The following HERC3 variants were observed in gnomAD, a reference collection of about 807,000 sequenced individuals.
HERC3 encodes probable E3 ubiquitin-protein ligase HERC3.
In HERC3, 58 loss-of-function variants were observed where a neutral mutation model predicts 129.9. The observed-to-expected ratio is 0.45, with a 90% CI of 0.36 to 0.56. The LOEUF (loss-of-function observed/expected upper bound fraction) is 0.56. HERC3 is among the 20% of genes least tolerant of loss of function. HERC3 has a pLI of 0.00. For missense variants in HERC3, 835 were observed against 1,244.2 expected (o/e 0.67, Z 4.95); for synonymous variants, 430 against 451.0 (o/e 0.95, Z 0.59).
intron 3 of HERC3, among the ~76,000 whole-genome samples, chr4:88,637,000 G>A (rs561355542): frequency 1.3e-5 from 2 of 152,250 alleles, no homozygotes; most frequent in East Asian, 3.9e-4. Context: ...GTGGCAGTGT[G>A]CGCCTGTAGT....
chr4:88,572,309 T>G, the HERC3 span, among the ~76,000 whole-genome samples: 3 of 152,004 alleles, frequency 2.0e-5, no homozygotes, highest in East Asian at 5.8e-4. Flanking sequence ...CCACCTGTAG[T>G]CCCAGCTACT....
chr4:88,609,410 A>G (rs993684547), intron 3 of HERC3, among the ~76,000 whole-genome samples: 1 of 152,252 alleles, frequency 6.6e-6, no homozygotes, highest in Non-Finnish European at 1.5e-5. Context: ...GCAGTTTTAT[A>G]TCATGCCTCA....
intron 23 of HERC3, chr4:88,697,212 C>G (rs776088833): frequency 3.8e-5 from 58 of 1,516,970 alleles, no homozygotes. Flanking sequence ...CCCCTTACTT[C>G]TTGGCGTCAT....
At chr4:88,620,447 C>T (rs1177005374) in intron 3 of HERC3, among the ~76,000 whole-genome samples, 1 of 152,132 alleles carries the variant, frequency 6.6e-6, no homozygotes, top group Non-Finnish European at 1.5e-5. Flanking sequence ...TGGAGTCATC[C>T]CTGATTTGTC....
chr4:88,631,001 T>C (rs1726683836), intron 3 of HERC3, among the ~76,000 whole-genome samples: 1 of 152,216 alleles, frequency 6.6e-6, no homozygotes, highest in African/African-American at 2.4e-5. Context: ...ATTGACTTCG[T>C]CAGTATATCT....
At chr4:88,585,802 G>C in the HERC3 span, among the ~76,000 whole-genome samples, 2 of 151,966 alleles carry the variant, frequency 1.3e-5, no homozygotes, top group African/African-American at 2.4e-5. Context: ...CTAATGTTTA[G>C]ATGTGTACAC....
chr4:88,674,866 G>A (rs1731994809), intron 16 of HERC3, among the ~76,000 whole-genome samples: 1 of 151,978 alleles, frequency 6.6e-6, no homozygotes, highest in South Asian at 2.1e-4. Context: ...GATCCCTGGA[G>A]GAACCTAGTT....
intron 23 of HERC3, among the ~76,000 whole-genome samples, chr4:88,698,149 A>T (rs1488068223): frequency 6.6e-6 from 1 of 151,832 alleles, no homozygotes; most frequent in Non-Finnish European, 1.5e-5. Flanking sequence ...CCTCACCCCC[A>T]TCCAGGCCCT....
chr4:88,693,231 C>G, intron 23 of HERC3: 7 of 978,194 alleles, frequency 7.2e-6, no homozygotes, highest in Non-Finnish European at 8.5e-6. Flanking sequence ...AAGACTATAT[C>G]AAGTATCTTT....
At chr4:88,665,580 T>C (rs1730961920) in intron 12 of HERC3, among the ~76,000 whole-genome samples, 1 of 152,200 alleles carries the variant, frequency 6.6e-6, no homozygotes, top group Non-Finnish European at 1.5e-5. Flanking sequence ...CTAATTCAAA[T>C]GCCAATCTCT....
At chr4:88,596,793 C>G (rs759983591) in intron 2 of HERC3, among the ~76,000 whole-genome samples, 9 of 152,254 alleles carry the variant, frequency 5.9e-5, no homozygotes, top group Non-Finnish European at 1.2e-4. Flanking sequence ...ATTGTTCCCT[C>G]TATTCCTACT....
intron 3 of HERC3, among the ~76,000 whole-genome samples, chr4:88,622,829 T>C (rs1322749235): frequency 6.6e-6 from 1 of 152,066 alleles, no homozygotes; most frequent in African/African-American, 2.4e-5. Flanking sequence ...CTCGGGAGGC[T>C]GAGGCAGGAG....
the HERC3 span, among the ~76,000 whole-genome samples, chr4:88,573,456 C>G: frequency 6.6e-6 from 1 of 152,136 alleles, no homozygotes; most frequent in Non-Finnish European, 1.5e-5. Flanking sequence ...CACTAGGGAC[C>G]CATGAAGCAT....
chr4:88,665,391 T>C (rs1730942891), intron 12 of HERC3, among the ~76,000 whole-genome samples: 1 of 152,134 alleles, frequency 6.6e-6, no homozygotes, highest in African/African-American at 2.4e-5. Context: ...GGTGTAAGTA[T>C]TGGAGTGCAA....
intron 22 of HERC3, 109 bp downstream of exon 22, chr4:88,686,911 C>A (rs1285245515): frequency 2.4e-6 from 2 of 849,416 alleles, no homozygotes; most frequent in Non-Finnish European, 3.9e-6. Context: ...TCAGAGACTT[C>A]TTTGAATCAA....
intron 19 of HERC3, among the ~76,000 whole-genome samples, chr4:88,679,779 A>G (rs1459195729): frequency 1.3e-5 from 2 of 152,098 alleles, no homozygotes; most frequent in Non-Finnish European, 2.9e-5. Context: ...CGGCCTCCCA[A>G]AGTGCTAGGA....
At chr4:88,672,970 A>G (rs979239572) in intron 16 of HERC3, among the ~76,000 whole-genome samples, 2 of 152,192 alleles carry the variant, frequency 1.3e-5, no homozygotes, top group African/African-American at 4.8e-5. Context: ...GGGATCTAAC[A>G]CATGTGTGCA....
the HERC3 span, among the ~76,000 whole-genome samples, chr4:88,575,460 C>A: frequency 1.3e-3 from 192 of 152,288 alleles, no homozygotes; most frequent in Middle Eastern, 3.4e-3. Context: ...GCTCCCCCAT[C>A]TAAAATAGAA....
At chr4:88,544,681 A>G in the HERC3 span, among the ~76,000 whole-genome samples, 14 of 152,230 alleles carry the variant, frequency 9.2e-5, no homozygotes, top group African/African-American at 3.1e-4. Context: ...ATTGTCCATC[A>G]ATGATAGACT....
Sources: gnomAD v4.1 joint callset for allele counts (sites outside exome capture counted in the v4.1 genomes callset) on GRCh38, gnomAD v4.1.1 for gene constraint, MANE v1.5 for transcripts, NCBI Gene and HGNC (gene_info 2026-07-23, HGNC 2026-07-21) for gene names.